Variants in DNAJC28 observed in about 807,000 individuals in gnomAD.
The protein encoded by DNAJC28 is dnaJ homolog subfamily C member 28.
DNAJC28 carries 24 observed loss-of-function variants against 33.3 expected under a neutral mutation model. The observed-to-expected ratio is 0.72, with a 90% CI of 0.52 to 1.01. DNAJC28 has a LOEUF of 1.01. Ranked by LOEUF, DNAJC28 falls within the 50% of genes least tolerant of loss-of-function variation. The pLI is 0.00. For missense variants in DNAJC28, 442 were observed against 455.2 expected, an observed-to-expected ratio of 0.97 and a Z score of 0.26; for synonymous variants, 120 against 147.2, an observed-to-expected ratio of 0.82 and a Z score of 1.34.
intron 1 of DNAJC28, among the ~76,000 whole-genome samples, chr21:33,489,938 C>T (rs1468065012): frequency 1.3e-5 from 2 of 151,464 alleles, no homozygotes. Context: ...GGACTACAGG[C>T]GTGCACCACC....
At position 33,489,304 on chromosome 21, in the gene DNAJC28, T is replaced by C; in HGVS notation, c.90A>G (p.Pro30=). 6.3e-7 allele frequency: 1 copy of C among 1,593,444 alleles called. No individual in the cohort carries two copies. The highest frequency in any genetic ancestry group is 8.5e-7 in the Non-Finnish European group (1 of 1,173,742). ...TTCTATTTCTAATGATACCAAAATA[T>C]GGAAGCATTTTCACTCGATTAGGAA... ...TVIPNRVKML[P]YFGIIRNRMM... is the part of the protein sequence containing the mutation. The change falls in exon 2 of 2, where the codon CCA becomes CCG. Residue 30 remains proline (P), a synonymous_variant. Transcript: ENST00000381947.
In DNAJC28 at chr21:33,488,946, G is replaced by C. The variant is rs139304381; in HGVS notation, c.448C>G (p.Arg150Gly). The C allele has an allele frequency of 6.2e-7, 1 of 1,613,564 alleles. No individual in the cohort carries two copies. Among genetic ancestry groups the C allele is most frequent in the Admixed American group, 1.7e-5 (1 of 59,988 alleles). The change falls in exon 2 of 2, where the codon CGA (arginine) becomes GGA (glycine). Residue 150 changes from arginine (R) to glycine (G), a missense_variant. Physicochemically the swap from Arg to Gly is moderately radical, Grantham distance 125 (BLOSUM62 -2). Transcript: ENST00000381947. ...CTAAATTGCCTATAATGCTTCTCTC[G>C]TTGAGTTGGAGTCCCAAAACCAATA... is the stretch of plus-strand genomic sequence containing the variant. ...EGIGFGTPTQ[R>G]EKHYRQFRAD...
At chr21:33,489,789 C>CTTTTTTT (rs35360893) in intron 1 of DNAJC28, among the ~76,000 whole-genome samples, 6 of 120,486 alleles carry the variant, frequency 5.0e-5, no homozygotes, top group Non-Finnish European at 6.8e-5. Context: ...TGCGCTCAGC[C>CTTTTTTT]TTTTTTTTTT....
chr21:33,488,662 G>T lies in DNAJC28; in HGVS notation c.732C>A (p.Asn244Lys). The T allele has an allele frequency of 6.2e-7, 1 of 1,613,020 alleles. No homozygotes were observed. Among genetic ancestry groups the T allele is most frequent in the Non-Finnish European group, 8.5e-7 (1 of 1,179,776 alleles). Residue 244 changes from asparagine (N) to lysine (K), a missense_variant, in exon 2 of 2, where the codon AAC (asparagine) becomes AAA (lysine). Asn to Lys is a moderately conservative substitution (Grantham distance 94). Transcript: ENST00000381947. ...GGTATCCATTATCGATCAGTATTCG[G>T]TTCAGGTTGTGAGTCATGGGATCAA... ...SYIDPMTHNL[N>K]RILIDNGYQP... is the part of the protein sequence containing the mutation.
In DNAJC28 at chr21:33,489,198, C is replaced by T. The variant is rs1398898791; in HGVS notation, c.196G>A (p.Glu66Lys). Residue 66 changes from glutamate to lysine, a missense_variant, in exon 2 of 2, where the codon GAA becomes AAA. Coordinates refer to ENST00000381947, the MANE Select transcript of DNAJC28 (RefSeq NM_001040192.3). ...LNVEEGCSADEVRESFHKLAK... is the reference protein window; with the variant it reads ...LNVEEGCSADKVRESFHKLAK... ...AGCTTATGAAAAGATTCCCTGACTTCATCTGCAGAGCATCCTTCCTCCACG... is the reference window on the plus strand; with the variant it reads ...AGCTTATGAAAAGATTCCCTGACTTTATCTGCAGAGCATCCTTCCTCCACG... 2 of 1,609,022 alleles carry T rather than the reference C, an allele frequency of 1.2e-6. No homozygotes were observed. The highest frequency in any genetic ancestry group is 4.5e-5 in the East Asian group (2 of 44,860).
rs2145648520 is a variant in DNAJC28, at chr21:33,488,869, T to C, written c.525A>G (p.Gln175=). Residue 175 remains glutamine, a synonymous_variant, in exon 2 of 2, where the codon CAA becomes CAG. Coordinates refer to ENST00000381947, the MANE Select transcript of DNAJC28 (RefSeq NM_001040192.3). ...TTACACTATCAGGAAAATACTGGCT[T>C]TGTAGTTTCTGCTTTTGATATTCCA... ...QVMEYQKQKL[Q]SQYFPDSVIV... is the part of the protein sequence containing the mutation. The C allele has an allele frequency of 6.2e-7, 1 of 1,610,106 alleles. No homozygotes were observed. Among genetic ancestry groups the C allele is most frequent in the East Asian group, 2.2e-5 (1 of 44,878 alleles).
intron 1 of DNAJC28, among the ~76,000 whole-genome samples, chr21:33,490,447 G>T (rs562325033): frequency 6.6e-6 from 1 of 151,818 alleles, no homozygotes; most frequent in African/African-American, 2.4e-5. Flanking sequence ...ACTGATGTGG[G>T]CAGAAAAGTG....
chr21:33,488,355 T>G lies in DNAJC28; in HGVS notation c.1039A>C (p.Thr347Pro), dbSNP rs1446820432. ...GGGTTTCTATCTGTGACTTCTTTTGTTTTTATAAGGGTCTCGTATATTTTC... is the reference window on the plus strand; with the variant it reads ...GGGTTTCTATCTGTGACTTCTTTTGGTTTTATAAGGGTCTCGTATATTTTC... Reference protein sequence around the residue: ...AQKIYETLIKTKEVTDRNPNN... With the variant: ...AQKIYETLIKPKEVTDRNPNN... The change falls in exon 2 of 2, where the codon ACA (threonine) becomes CCA (proline). Residue 347 changes from threonine to proline, a missense_variant. Thr to Pro is a conservative substitution (Grantham distance 38, BLOSUM62 -1). Transcript: ENST00000381947. The G allele has an allele frequency of 1.3e-6, 2 of 1,586,974 alleles. No individual in the cohort carries two copies. Among genetic ancestry groups the G allele is most frequent in the Non-Finnish European group, 1.7e-6 (2 of 1,173,462 alleles).
chr21:33,488,401 C>T lies in DNAJC28; in HGVS notation c.993G>A (p.Gln331=), dbSNP rs1390147897. The T allele has an allele frequency of 1.3e-6, 2 of 1,589,730 alleles. No individual in the cohort carries two copies. The highest frequency in any genetic ancestry group is 2.2e-5 in the East Asian group (1 of 44,710). Reference sequence around the variant, plus strand: ...TTTTCTGGGCTCTGACAATTTCTTTCTGAGCATCAAAATGGACTTTTTGCC... The same window carrying T: ...TTTTCTGGGCTCTGACAATTTCTTTTTGAGCATCAAAATGGACTTTTTGCC... ...LTRQKVHFDA[Q]KEIVRAQKIY... is the part of the protein sequence containing the mutation. The change falls in exon 2 of 2, where the codon CAG becomes CAA. Residue 331 remains glutamine, a synonymous_variant. Transcript: ENST00000381947.
Position 33,488,319 on chromosome 21 carries a change from C to A in DNAJC28, c.1075G>T (p.Asp359Tyr). The A allele has an allele frequency of 6.4e-7, 1 of 1,574,372 alleles. No individual in the cohort carries two copies. The highest frequency in any genetic ancestry group is 8.6e-7 in the Non-Finnish European group (1 of 1,168,690). ...GGTGTTTTCTCTCCTTCTCCTTGAT[C>A]AAGGTTATTTGGGTTTCTATCTGTG... ...EVTDRNPNNL[D>Y]QGEGEKTPEI... Residue 359 changes from aspartate to tyrosine, a missense_variant, in exon 2 of 2, where the codon GAT becomes TAT. Physicochemically the swap from Asp to Tyr is radical, Grantham distance 160. Transcript: ENST00000381947.
At position 33,488,195 on chromosome 21, in the gene DNAJC28, G is replaced by C. The variant is rs2084477963; in HGVS notation, c.*32C>G. 7.0e-7 allele frequency: 1 copy of C among 1,430,738 alleles called. No individual in the cohort carries two copies. The highest frequency in any genetic ancestry group is 2.7e-5 in the Admixed American group (1 of 36,780). The allele number at this position is 1,430,738 out of a possible 1,614,324, so 88.6% of individuals were successfully genotyped here. A position where few individuals can be genotyped will look rare whatever the true frequency, so the allele number is the denominator to read the frequency against. On this transcript the variant is annotated 3_prime_UTR_variant, in exon 2 of 2. Transcript: ENST00000381947. ...ATCTCATTTTCCATGTAAAGTGTCA[G>C]TGGAACTAAGAATGATTTATGATAG...
chr21:33,489,928 G>A lies in DNAJC28; in HGVS notation c.-31-504C>T, dbSNP rs1453841458. On this transcript the variant is annotated intron_variant, in intron 1 of 1. Coordinates refer to ENST00000381947, the MANE Select transcript of DNAJC28 (RefSeq NM_001040192.3). Reference sequence around the variant, plus strand: ...CCCACCTCTGCCTCTCATGTTGCTAGGACTACAGGCGTGCACCACCACACC... The same window carrying A: ...CCCACCTCTGCCTCTCATGTTGCTAAGACTACAGGCGTGCACCACCACACC... 6.6e-5 allele frequency among the ~76,000 whole-genome samples: 10 copies of A among 151,098 alleles called. No homozygotes were observed. The Admixed American group carries it at 6.6e-4, about 10-fold the overall frequency.
rs764094915 is a variant in DNAJC28, at chr21:33,489,295, A to G, written c.99T>C (p.Gly33=). The change falls in exon 2 of 2, where the codon GGT becomes GGC. Residue 33 remains glycine (G), a synonymous_variant. Transcript: ENST00000381947. ...TTGACATCATTCTATTTCTAATGAT[A>G]CCAAAATATGGAAGCATTTTCACTC... ...PNRVKMLPYF[G]IIRNRMMSTH... The G allele has an allele frequency of 3.8e-6, 6 of 1,598,678 alleles. No homozygotes were observed. The Admixed American group carries it at 1.1e-4, about 29-fold the overall frequency.
In DNAJC28 at chr21:33,490,122, T is replaced by A. The variant is rs372598244; in HGVS notation, c.-31-698A>T. On this transcript the variant is annotated intron_variant, in intron 1 of 1. Coordinates refer to ENST00000381947, the MANE Select transcript of DNAJC28 (RefSeq NM_001040192.3). ...TCTTTTTTCTTTTCTTTTCTTTTCT[T>A]TTTTTTTTTTTTGAGACAGAGTCTC... Among the ~76,000 whole-genome samples the A allele has an allele frequency of 3.9e-4, 56 of 144,614 alleles. 1 individual carries two copies. The East Asian group carries it at 0.01, about 27-fold the overall frequency. The allele number at this position is 144,614 out of a possible 152,430, so 94.9% of individuals were successfully genotyped here. A position where few individuals can be genotyped will look rare whatever the true frequency, so the allele number is the denominator to read the frequency against.
chr21:33,488,212 T>A lies in DNAJC28; in HGVS notation c.*15A>T. 1 of 1,480,896 alleles carries A rather than the reference T, an allele frequency of 6.8e-7. No individual in the cohort carries two copies. Among genetic ancestry groups the A allele is most frequent in the Non-Finnish European group, 9.0e-7 (1 of 1,115,228 alleles). 91.7% of individuals were successfully genotyped at this position (1,480,896 alleles called of 1,614,324 possible). On this transcript the variant is annotated 3_prime_UTR_variant, in exon 2 of 2. Transcript: ENST00000381947. ...AAGTGTCAGTGGAACTAAGAATGAT[T>A]TATGATAGTAAACATCAAAATGATC...
rs761489723 is a variant in DNAJC28, at chr21:33,489,095, CTA to C, written c.297_298del (p.Tyr99Ter). ...TTCTATCACATGGGAGAGCACCTTT[CTA>C]TAAGCTTTTTCAATCCTTATAAATG... On this transcript the variant is annotated stop_gained and frameshift_variant, in exon 2 of 2. Transcript: ENST00000381947. LOFTEE classifies it high-confidence loss of function. The C allele has an allele frequency of 2.5e-6, 4 of 1,613,932 alleles. No homozygotes were observed. In the South Asian group the frequency reaches 4.4e-5, roughly 18 times the overall value.
In DNAJC28 at chr21:33,488,927, T is replaced by G. The variant is rs747646956; in HGVS notation, c.467A>C (p.Gln156Pro). The change falls in exon 2 of 2, where the codon CAA (glutamine) becomes CCA (proline). Residue 156 changes from glutamine to proline, a missense_variant. By Grantham distance (76) the Gln-to-Pro change is moderately conservative. Transcript: ENST00000381947. ...TPTQREKHYRQFRADRAAEQV... is the reference protein window; with the variant it reads ...TPTQREKHYRPFRADRAAEQV... ...TTCAGCAGCACGGTCTGCCCTAAATTGCCTATAATGCTTCTCTCGTTGAGT... is the reference window on the plus strand; with the variant it reads ...TTCAGCAGCACGGTCTGCCCTAAATGGCCTATAATGCTTCTCTCGTTGAGT... 1.9e-6 allele frequency: 3 copies of G among 1,613,468 alleles called. No homozygotes were observed. The highest frequency in any genetic ancestry group is 2.5e-6 in the Non-Finnish European group (3 of 1,180,002).
In DNAJC28 at chr21:33,488,370, C is replaced by G. The variant is rs201546020; in HGVS notation, c.1024G>C (p.Glu342Gln). Residue 342 changes from glutamate (E) to glutamine (Q), a missense_variant, in exon 2 of 2, where the codon GAG becomes CAG. Coordinates refer to ENST00000381947, the MANE Select transcript of DNAJC28 (RefSeq NM_001040192.3). The part of the protein sequence containing the change: ...KEIVRAQKIY[E>Q]TLIKTKEVTD... ...ACTTCTTTTGTTTTTATAAGGGTCT[C>G]GTATATTTTCTGGGCTCTGACAATT... The G allele has an allele frequency of 6.3e-7, 1 of 1,593,676 alleles. No homozygotes were observed. Among genetic ancestry groups the G allele is most frequent in the Non-Finnish European group, 8.5e-7 (1 of 1,174,864 alleles).
intron 1 of DNAJC28, among the ~76,000 whole-genome samples, chr21:33,490,684 C>G (rs924196690): frequency 1.1e-4 from 16 of 151,884 alleles, no homozygotes; most frequent in Non-Finnish European, 1.8e-4. Context: ...TCGCTTGAAC[C>G]CGGGAGGTGG....
Sources: gnomAD v4.1 joint callset for allele counts (sites outside exome capture counted in the v4.1 genomes callset) on GRCh38, gnomAD v4.1.1 for gene constraint, MANE v1.5 for transcripts, NCBI Gene and HGNC (gene_info 2026-07-23, HGNC 2026-07-21) for gene names.